RGS6: variants seen among roughly 807,000 people sequenced by gnomAD.
The protein encoded by RGS6 is regulator of G-protein signaling 6.
RGS6 carries 30 observed loss-of-function variants against 78.5 expected under a neutral mutation model. That is an observed-to-expected ratio of 0.38 (90% CI 0.29 to 0.52). RGS6 has a LOEUF of 0.52. RGS6 is among the 20% of genes least tolerant of loss of function. The pLI, the probability that RGS6 is intolerant of heterozygous loss-of-function variation, is 0.85. For synonymous variants in RGS6, 206 were observed against 206.0 expected (o/e 1.00, Z 0.00); for missense variants, 495 against 609.7 (o/e 0.81, Z 1.98).
intron 3 of RGS6, among the ~76,000 whole-genome samples, chr14:72,425,433 C>A (rs1650043932): frequency 6.6e-6 from 1 of 152,130 alleles, no homozygotes; most frequent in Non-Finnish European, 1.5e-5. Flanking sequence ...GCCACCGCAG[C>A]CGGCCAGAAG....
chr14:72,091,330 A>G (rs2095263276), intron 2 of RGS6, among the ~76,000 whole-genome samples: 1 of 152,136 alleles, frequency 6.6e-6, no homozygotes, highest in African/African-American at 2.4e-5. Flanking sequence ...CTGAGGATGC[A>G]TTTTCCCTTC....
At chr14:71,975,303 T>G (rs1415274883) in intron 2 of RGS6, among the ~76,000 whole-genome samples, 1 of 152,272 alleles carries the variant, frequency 6.6e-6, no homozygotes, top group Non-Finnish European at 1.5e-5. Context: ...GGCTGTAAGT[T>G]TGATTATTCC....
intron 2 of RGS6, among the ~76,000 whole-genome samples, chr14:72,143,412 T>A (rs1226812128): frequency 6.6e-6 from 1 of 152,130 alleles, no homozygotes; most frequent in Non-Finnish European, 1.5e-5. Flanking sequence ...TAGCCCTATT[T>A]ATTTCACCCT....
intron 2 of RGS6, among the ~76,000 whole-genome samples, chr14:72,233,784 T>C (rs1283812824): frequency 1.3e-5 from 2 of 152,174 alleles, no homozygotes; most frequent in Admixed American, 6.5e-5. Flanking sequence ...CTAGAGGCTG[T>C]ATTCAGTAGG....
At chr14:72,422,133 A>G (rs1455859993) in intron 3 of RGS6, among the ~76,000 whole-genome samples, 1 of 152,130 alleles carries the variant, frequency 6.6e-6, no homozygotes, top group African/African-American at 2.4e-5. Context: ...TCTATGTAAG[A>G]CATGACTTGC....
chr14:72,372,782 C>T (rs1463113969), intron 3 of RGS6, among the ~76,000 whole-genome samples: 1 of 152,218 alleles, frequency 6.6e-6, no homozygotes, highest in African/African-American at 2.4e-5. Context: ...AACCTTCTCA[C>T]TGATTGGATT....
intron 2 of RGS6, among the ~76,000 whole-genome samples, chr14:72,220,474 G>T (rs954833313): frequency 7.9e-5 from 12 of 152,266 alleles, no homozygotes; most frequent in African/African-American, 2.9e-4. Context: ...GGGAACCTGG[G>T]GTTAGCTATT....
At chr14:72,077,736 C>G (rs1257535714) in intron 2 of RGS6, among the ~76,000 whole-genome samples, 6 of 152,086 alleles carry the variant, frequency 3.9e-5, no homozygotes, top group Admixed American at 6.6e-5. Flanking sequence ...AAATTTTCAG[C>G]CTCTTTTTCA....
intron 2 of RGS6, among the ~76,000 whole-genome samples, chr14:72,162,895 G>T (rs1049383401): frequency 6.6e-6 from 1 of 152,144 alleles, no homozygotes; most frequent in African/African-American, 2.4e-5. Context: ...AATGGCATTT[G>T]CAGCAACCTG....
chr14:72,316,982 G>T (rs2070460531), intron 2 of RGS6, among the ~76,000 whole-genome samples: 1 of 151,050 alleles, frequency 6.6e-6, no homozygotes, highest in African/African-American at 2.4e-5. Context: ...AATGGAGAAT[G>T]CAACTCTATT....
chr14:72,432,986 T>A (rs1275463580), intron 3 of RGS6, among the ~76,000 whole-genome samples: 1 of 152,212 alleles, frequency 6.6e-6, no homozygotes, highest in East Asian at 1.9e-4. Flanking sequence ...GTCCGTGTTG[T>A]AGCTCCGTCT....
the RGS6 span, among the ~76,000 whole-genome samples, chr14:72,585,030 C>G: frequency 1.3e-5 from 2 of 151,090 alleles, no homozygotes; most frequent in South Asian, 4.2e-4. Context: ...ACCAAGAGAC[C>G]CAAGCATTAT....
chr14:71,911,788 A>G, the RGS6 span, among the ~76,000 whole-genome samples: 3 of 152,262 alleles, frequency 2.0e-5, no homozygotes, highest in South Asian at 6.2e-4. Context: ...GCTGGGAAGC[A>G]TGGCCTCTGG....
chr14:72,394,585 A>C (rs756102841), intron 3 of RGS6, among the ~76,000 whole-genome samples: 7 of 152,178 alleles, frequency 4.6e-5, no homozygotes, highest in Non-Finnish European at 1.0e-4. Context: ...TTTGCTCTTG[A>C]AAGAAGAGAA....
chr14:72,470,433 T>C (rs1303923049), intron 8 of RGS6, among the ~76,000 whole-genome samples: 1 of 152,210 alleles, frequency 6.6e-6, no homozygotes, highest in African/African-American at 2.4e-5. Context: ...GATTTTGTCT[T>C]CATGGGAAAA....
intron 2 of RGS6, among the ~76,000 whole-genome samples, chr14:72,005,488 A>T (rs1242444147): frequency 1.9e-5 from 1 of 52,356 alleles, no homozygotes; most frequent in African/African-American, 7.1e-5. Flanking sequence ...TTCATTCAGC[A>T]ACCTAAAATG....
chr14:72,044,692 G>C (rs544348159), intron 2 of RGS6, among the ~76,000 whole-genome samples: 41 of 152,198 alleles, frequency 2.7e-4, no homozygotes, highest in Non-Finnish European at 5.9e-4. Flanking sequence ...CCAACATGGT[G>C]AGACTCTGTC....
At chr14:72,131,204 C>G (rs1198656392) in intron 2 of RGS6, among the ~76,000 whole-genome samples, 10 of 152,164 alleles carry the variant, frequency 6.6e-5, no homozygotes, top group Admixed American at 2.0e-4. Context: ...TTCTTTCAAC[C>G]CAATCTTGCT....
chr14:72,108,411 T>C (rs1222682629), intron 2 of RGS6, among the ~76,000 whole-genome samples: 3 of 152,040 alleles, frequency 2.0e-5, no homozygotes, highest in South Asian at 2.1e-4. Context: ...CTGATAGTTA[T>C]GGGTTGTTAT....
Sources: allele counts gnomAD v4.1 joint callset (sites outside exome capture counted in the v4.1 genomes callset), GRCh38; gene constraint gnomAD v4.1.1; transcripts MANE v1.5; gene names NCBI Gene and HGNC (gene_info 2026-07-23, HGNC 2026-07-21).